Variants in BCAN observed in about 807,000 individuals in gnomAD.
The protein encoded by BCAN is brevican core protein.
BCAN carries 51 observed loss-of-function variants against 92.4 expected under a neutral mutation model. The observed-to-expected ratio is 0.55, with a 90% confidence interval of 0.44 to 0.70. BCAN has a LOEUF of 0.70. Ranked by LOEUF, BCAN falls within the 30% of genes least tolerant of loss-of-function variation. BCAN has a pLI of 0.00. For synonymous variants in BCAN, 501 were observed against 505.2 expected, an observed-to-expected ratio of 0.99 and a Z score of 0.11; for missense variants, 1,140 against 1,212.1, an observed-to-expected ratio of 0.94 and a Z score of 0.88.
chr1:156,651,426 G>T (rs769063004), intron 6 of BCAN, 30 bp from the exon 7 acceptor site: 25 of 1,580,726 alleles, frequency 1.6e-5, no homozygotes, highest in Non-Finnish European at 2.0e-5. Flanking sequence ...ACCTATTCAG[G>T]CTCGCATCAA....
chr1:156,658,718 T>G lies in BCAN; in HGVS notation c.2613T>G (p.Cys871Trp), dbSNP rs764762719. ...GTTGGGAGGCCCCCCAGATCTCCTG[T>G]GTGCCCAGAAGACCTGTGAGTGCCA... is the stretch of plus-strand genomic sequence containing the variant. ...NGRWEAPQIS[C>W]VPRRPARALH... The change falls in exon 13 of 14, where the codon TGT becomes TGG. Residue 871 changes from cysteine (C) to tryptophan (W), a missense_variant. Coordinates refer to ENST00000329117, the MANE Select transcript of BCAN (RefSeq NM_021948.5). This position sits in a 1 kb window ranked among gnomAD's most constrained non-coding sequence, Gnocchi z 4.4. The G allele has an allele frequency of 1.2e-6, 2 of 1,614,022 alleles. No homozygotes were observed. Among genetic ancestry groups the G allele is most frequent in the Non-Finnish European group, 1.7e-6 (2 of 1,180,028 alleles).
chr1:156,651,664 A>G lies in BCAN; in HGVS notation c.1272A>G (p.Pro424=). The G allele has an allele frequency of 1.2e-6, 2 of 1,613,252 alleles. No individual in the cohort carries two copies. The highest frequency in any genetic ancestry group is 1.7e-6 in the Non-Finnish European group (2 of 1,179,872). Reference sequence around the variant, plus strand: ...GTGGAAGCTCCACTCCAGAAGACCCAGCAGAGGCCCCTAGGACGCTCCTAG... The same window carrying G: ...GTGGAAGCTCCACTCCAGAAGACCCGGCAGAGGCCCCTAGGACGCTCCTAG... The part of the protein sequence containing the change: ...GGGGSSTPED[P]AEAPRTLLEF... Residue 424 remains proline (P), a synonymous_variant, in exon 7 of 14, where the codon CCA becomes CCG. Transcript: ENST00000329117.
chr1:156,642,862 C>T lies in BCAN; in HGVS notation c.-9+587C>T, dbSNP rs1678836378. 6.6e-6 allele frequency: 1 copy of T among 152,222 alleles called. No homozygotes were observed. The highest frequency in any genetic ancestry group is 6.5e-5 in the Admixed American group (1 of 15,284). The allele number at this position is 152,222 out of a possible 1,614,324, so 9.4% of individuals were successfully genotyped here. On this transcript the variant is annotated intron_variant, in intron 1 of 13. Transcript: ENST00000329117. The surrounding 1 kb of genome is among the most constrained non-coding windows in gnomAD (Gnocchi z 4.2). ...TTCCTCATCGGTGTAATGAGCAAAA[C>T]ATAAACAATCTTTTTCTCACAGTTG...
intron 9 of BCAN, 72 bp downstream of exon 9, chr1:156,656,461 A>C: frequency 8.5e-7 from 1 of 1,179,956 alleles, no homozygotes; most frequent in Non-Finnish European, 1.1e-6. Context: ...TGGAGGGGGG[A>C]GGGAGAACAT....
At chr1:156,653,274 C>T (rs995716748) in intron 8 of BCAN, 10 of 1,158,180 alleles carry the variant, frequency 8.6e-6, no homozygotes, top group Admixed American at 4.3e-5. Flanking sequence ...CTTCATCCGC[C>T]TGTGTGCCGT....
intron 6 of BCAN, 80 bp from the exon 7 acceptor site, chr1:156,651,376 G>T (rs1679158013): frequency 1.6e-6 from 2 of 1,282,956 alleles, no homozygotes; most frequent in African/African-American, 1.5e-5. Context: ...AGAATTGAGA[G>T]AATTCCATGG....
At chr1:156,646,271 T>A in intron 2 of BCAN, 126 bp downstream of exon 2, 1 of 880,686 alleles carries the variant, frequency 1.1e-6, no homozygotes, top group Non-Finnish European at 1.7e-6. Context: ...GCTGGAACAC[T>A]TGGAAATAAG....
Position 156,647,283 on chromosome 1 carries a change from G to C in BCAN, c.466+108G>C, listed in dbSNP as rs1258894392. ...AGGGAAGCAAAGGTAGCTGGAAGGC[G>C]CAGCCTGGGTTGGAAAAAGAGTGAG... On this transcript the variant is annotated intron_variant, in intron 3 of 13. Coordinates refer to ENST00000329117, the MANE Select transcript of BCAN (RefSeq NM_021948.5). This position sits in a 1 kb window ranked among gnomAD's most constrained non-coding sequence, Gnocchi z 4.8. The C allele has an allele frequency of 7.3e-7, 1 of 1,360,962 alleles. No individual in the cohort carries two copies. The highest frequency in any genetic ancestry group is 1.5e-5 in the African/African-American group (1 of 67,720). 84.3% of individuals were successfully genotyped at this position (1,360,962 alleles called of 1,614,324 possible).
At position 156,656,392 on chromosome 1, in the gene BCAN, G is replaced by A; in HGVS notation, c.2050+3G>A. The A allele has an allele frequency of 1.5e-6, 2 of 1,357,562 alleles. No homozygotes were observed. The highest frequency in any genetic ancestry group is 1.9e-6 in the Non-Finnish European group (2 of 1,048,288). 84.1% of individuals were successfully genotyped at this position (1,357,562 alleles called of 1,614,324 possible). ...TGGGGGGGACCTGTGCGATGTTGGTGAGTGTTGAGGGACGGGGGGCAGGTT... is the reference window on the plus strand; with the variant it reads ...TGGGGGGGACCTGTGCGATGTTGGTAAGTGTTGAGGGACGGGGGGCAGGTT... On this transcript the variant is annotated splice_donor_region_variant and intron_variant, in intron 9 of 13. Coordinates refer to ENST00000329117, the MANE Select transcript of BCAN (RefSeq NM_021948.5).
rs1679451173 is a variant in BCAN, at chr1:156,659,227, A to G, written c.*93A>G. 2 of 994,370 alleles carry G rather than the reference A, an allele frequency of 2.0e-6. No individual in the cohort carries two copies. The highest frequency in any genetic ancestry group is 1.4e-6 in the Non-Finnish European group (1 of 689,902). 61.6% of individuals were successfully genotyped at this position (994,370 alleles called of 1,614,324 possible). On this transcript the variant is annotated 3_prime_UTR_variant, in exon 14 of 14. Coordinates refer to ENST00000329117, the MANE Select transcript of BCAN (RefSeq NM_021948.5). ...CGCTCCCGCCACCACAGGAAGTGACAACATGACGAGGGGTGGTACTGGAGT... is the reference window on the plus strand; with the variant it reads ...CGCTCCCGCCACCACAGGAAGTGACGACATGACGAGGGGTGGTACTGGAGT...
Position 156,656,337 on chromosome 1 carries a change from A to G in BCAN, c.1998A>G (p.Glu666=). 1.4e-6 allele frequency: 2 copies of G among 1,426,750 alleles called. No homozygotes were observed. Among genetic ancestry groups the G allele is most frequent in the Non-Finnish European group, 1.8e-6 (2 of 1,094,980 alleles). 88.4% of individuals were successfully genotyped at this position (1,426,750 alleles called of 1,614,324 possible). A position where few individuals can be genotyped will look rare whatever the true frequency, so the allele number is the denominator to read the frequency against. ...HNGGTCLEEE[E]GVRCLCLPGY... is the part of the protein sequence containing the mutation. The stretch of plus-strand genomic sequence containing the variant: ...GTGGGACATGCTTGGAGGAGGAGGA[A>G]GGGGTCCGCTGCCTATGTCTGCCTG... The change falls in exon 9 of 14, where the codon GAA becomes GAG. Residue 666 remains glutamate (E), a synonymous_variant. Transcript: ENST00000329117.
At position 156,658,374 on chromosome 1, in the gene BCAN, G is replaced by A. The variant is rs2298134; in HGVS notation, c.2437+103G>A. 1.3e-5 allele frequency: 19 copies of A among 1,507,042 alleles called. No homozygotes were observed. In the East Asian group the frequency reaches 4.4e-4, roughly 35 times the overall value. 93.4% of individuals were successfully genotyped at this position (1,507,042 alleles called of 1,614,324 possible). On this transcript the variant is annotated intron_variant, in intron 12 of 13. Transcript: ENST00000329117. The surrounding 1 kb of genome is among the most constrained non-coding windows in gnomAD (Gnocchi z 4.4). ...ACAGAGAGTGCAAAGCAACATAGAG[G>A]AGTCAGAACGTGTTCCAGACCATGG... is the stretch of plus-strand genomic sequence containing the variant.
chr1:156,648,809 C>CCAGACTGGCTTCCCCAAT lies in BCAN; in HGVS notation c.1012_1029dup (p.Gln338_Asn343dup). The CCAGACTGGCTTCCCCAAT allele has an allele frequency of 6.3e-7, 1 of 1,593,934 alleles. No homozygotes were observed. Among genetic ancestry groups the CCAGACTGGCTTCCCCAAT allele is most frequent in the African/African-American group, 1.3e-5 (1 of 74,744 alleles). On this transcript the variant is annotated inframe_insertion, in exon 6 of 14. Coordinates refer to ENST00000329117, the MANE Select transcript of BCAN (RefSeq NM_021948.5). ...TCAAGACTCTCTTCCTCTTCCCCAACCAGACTGGCTTCCCCAATAAGCACA... is the reference window on the plus strand; with the variant it reads ...TCAAGACTCTCTTCCTCTTCCCCAACCAGACTGGCTTCCCCAATCAGACTGGCTTCCCCAATAAGCACA...
At chr1:156,656,782 A>G in intron 9 of BCAN, 156 bp from the exon 10 acceptor site, 3 of 967,544 alleles carry the variant, frequency 3.1e-6, no homozygotes, top group South Asian at 1.9e-5. Context: ...GGCTCCTGCT[A>G]CCCCCTCATT....
chr1:156,652,918 C>T (rs1421489737), intron 8 of BCAN, 26 bp downstream of exon 8: 1 of 1,611,456 alleles, frequency 6.2e-7, no homozygotes, highest in Non-Finnish European at 8.5e-7. Context: ...GCTCAACTGC[C>T]CTCTCTATCC....
At chr1:156,653,393 A>G in intron 8 of BCAN, 21 of 1,004,934 alleles carry the variant, frequency 2.1e-5, no homozygotes, top group Non-Finnish European at 2.5e-5. Context: ...TTAAGCAACT[A>G]CTTCTGTGAA....
In BCAN at chr1:156,656,921, G is replaced by T; in HGVS notation, c.2051-17G>T. On this transcript the variant is annotated splice_polypyrimidine_tract_variant and intron_variant, in intron 9 of 13. Coordinates refer to ENST00000329117, the MANE Select transcript of BCAN (RefSeq NM_021948.5). ...TGGGTTTTGGGGCCCTAAGATGCCCGCCCTTATGTGCCGCAGGCCTCCGCT... is the reference window on the plus strand; with the variant it reads ...TGGGTTTTGGGGCCCTAAGATGCCCTCCCTTATGTGCCGCAGGCCTCCGCT... The T allele has an allele frequency of 6.2e-7, 1 of 1,609,324 alleles. No individual in the cohort carries two copies. The highest frequency in any genetic ancestry group is 1.3e-5 in the African/African-American group (1 of 74,968).
Position 156,648,037 on chromosome 1 carries a change from C to CG in BCAN, c.700dup (p.Val234GlyfsTer11). On this transcript the variant is annotated frameshift_variant, in exon 5 of 14. Coordinates refer to ENST00000329117, the MANE Select transcript of BCAN (RefSeq NM_021948.5). LOFTEE classifies it high-confidence loss of function. ...GTTACGGAGACATGGATGGCTTCCC[C>CG]GGGGTCCGGAACTATGGTGTGGTGG... The CG allele has an allele frequency of 1.2e-6, 2 of 1,613,994 alleles. No homozygotes were observed. The highest frequency in any genetic ancestry group is 1.7e-6 in the Non-Finnish European group (2 of 1,179,958).
In BCAN at chr1:156,648,651, G is replaced by A; in HGVS notation, c.853G>A (p.Ala285Thr). ...AYCQERGAEIATTGQLYAAWD... is the reference protein window; with the variant it reads ...AYCQERGAEITTTGQLYAAWD... ...CTGCCAGGAGCGGGGTGCAGAGATT[G>A]CCACCACGGGCCAACTGTATGCAGC... The change falls in exon 6 of 14, where the codon GCC becomes ACC. Residue 285 changes from alanine to threonine, a missense_variant. This residue lies in a region of BCAN where 825 missense variants were observed against 871.8 expected (regional missense o/e 0.95). Transcript: ENST00000329117. The A allele has an allele frequency of 6.2e-7, 1 of 1,613,142 alleles. No individual in the cohort carries two copies. The highest frequency in any genetic ancestry group is 8.5e-7 in the Non-Finnish European group (1 of 1,179,160).
Sources: allele counts gnomAD v4.1 joint callset, GRCh38; gene constraint gnomAD v4.1.1; regional missense constraint gnomAD v4.1.1; non-coding constraint Gnocchi (gnomAD v3.1); transcripts MANE v1.5; gene names NCBI Gene and HGNC (gene_info 2026-07-23, HGNC 2026-07-21).